The following KCTD1 variants were observed in gnomAD, a reference collection of about 807,000 sequenced individuals.
KCTD1 encodes the protein potassium channel tetramerization domain containing 1, also known as BTB/POZ domain-containing protein KCTD1.
In KCTD1, 24 loss-of-function variants were observed where a neutral mutation model predicts 66.0. The observed-to-expected ratio is 0.36, with a 90% CI of 0.26 to 0.51. The LOEUF is 0.51. KCTD1 is among the 20% of genes least tolerant of loss of function. The pLI is 0.95. For missense variants in KCTD1, 943 were observed against 1,205.2 expected, an observed-to-expected ratio of 0.78 and a Z score of 3.22; for synonymous variants, 511 against 517.2, an observed-to-expected ratio of 0.99 and a Z score of 0.16.
chr18:26,566,598 T>C (rs765325447), intron 1 of KCTD1: 44 of 152,232 alleles, frequency 2.9e-4, no homozygotes, highest in African/African-American at 9.4e-4. Context: ...ACAAATCCAT[T>C]TGGGAAGGCT....
At chr18:26,572,372 C>T (rs188873427) in intron 1 of KCTD1, among the ~76,000 whole-genome samples, 4 of 152,266 alleles carry the variant, frequency 2.6e-5, no homozygotes, top group Admixed American at 2.0e-4. Flanking sequence ...TCTTGGCTGG[C>T]ACCATTACAG....
Position 26,529,472 on chromosome 18 carries a change from T to C in KCTD1, c.1809+17256A>G, listed in dbSNP as rs201755288. Among the ~76,000 whole-genome samples the C allele has an allele frequency of 2.1e-4, 32 of 152,336 alleles. 1 individual carries two copies. In the East Asian group the frequency reaches 4.4e-3, roughly 21 times the overall value. On this transcript the variant is annotated intron_variant, in intron 1 of 4. Transcript: ENST00000580059. ...TTCCTTCCTGTATCAGGGCCTTTGC[T>C]CATGTACATTTCTGTCTACCACATC...
chr18:26,480,849 C>T (rs7226729), intron 2 of KCTD1, among the ~76,000 whole-genome samples: 150,658 of 152,278 alleles, frequency 0.99, 74,543 homozygotes, highest in Middle Eastern at 1. Context: ...GAAACCAAGC[C>T]CATTTGGTGG....
chr18:26,581,744 A>G (rs1429121397), intron 1 of KCTD1: 4 of 152,180 alleles, frequency 2.6e-5, no homozygotes, highest in African/African-American at 9.7e-5. Context: ...ATAAATAAAT[A>G]CATACATATT....
At chr18:26,546,314 G>A (rs1985216157) in intron 1 of KCTD1, among the ~76,000 whole-genome samples, 1 of 151,692 alleles carries the variant, frequency 6.6e-6, no homozygotes, top group Non-Finnish European at 1.5e-5. Flanking sequence ...TAAGGTCATG[G>A]CGAATACGTA....
intron 3 of KCTD1, among the ~76,000 whole-genome samples, 192 bp from the exon 4 acceptor site, chr18:26,460,117 T>C (rs1306756708): frequency 6.6e-6 from 1 of 152,046 alleles, no homozygotes; most frequent in Non-Finnish European, 1.5e-5. Flanking sequence ...TCAGTGAAGA[T>C]AAAAGGAGCT....
intron 2 of KCTD1, among the ~76,000 whole-genome samples, chr18:26,491,189 G>A (rs1014126203): frequency 4.6e-5 from 7 of 152,124 alleles, no homozygotes; most frequent in South Asian, 2.1e-4. Context: ...TTGCATTGGC[G>A]GGGTGTTTTG....
intron 2 of KCTD1, among the ~76,000 whole-genome samples, chr18:26,499,645 A>G (rs1223302993): frequency 6.6e-6 from 1 of 152,216 alleles, no homozygotes; most frequent in Non-Finnish European, 1.5e-5. Context: ...CAAAAAACAA[A>G]AAGTCGGCCT....
intron 1 of KCTD1, among the ~76,000 whole-genome samples, chr18:26,609,625 G>T (rs990249308): frequency 1.2e-4 from 19 of 152,162 alleles, no homozygotes; most frequent in Non-Finnish European, 2.9e-5. Context: ...TGGAAACCCT[G>T]CCTTTGAGCT....
intron 1 of KCTD1, among the ~76,000 whole-genome samples, chr18:26,557,198 G>T (rs1478772919): frequency 1.3e-5 from 2 of 152,184 alleles, no homozygotes; most frequent in African/African-American, 4.8e-5. Context: ...ACTCTGGGAA[G>T]TTAGTTGAAC....
intron 1 of KCTD1, among the ~76,000 whole-genome samples, chr18:26,514,109 A>G (rs1015929159): frequency 1.3e-5 from 2 of 152,270 alleles, no homozygotes; most frequent in African/African-American, 4.8e-5. Context: ...GTCTGAAAGC[A>G]GCTTGAGATT....
intron 1 of KCTD1, among the ~76,000 whole-genome samples, chr18:26,534,820 CCT>C (rs1265246145): frequency 6.6e-6 from 1 of 152,122 alleles, no homozygotes; most frequent in African/African-American, 2.4e-5. Flanking sequence ...AACTGATGTA[CCT>C]CTTTCTTTAT....
At chr18:26,561,432 T>C (rs1985846010) in intron 1 of KCTD1, among the ~76,000 whole-genome samples, 3 of 152,194 alleles carry the variant, frequency 2.0e-5, no homozygotes, top group Admixed American at 2.0e-4. Flanking sequence ...ATGGCCTTCA[T>C]TGCTCTGTTG....
intron 2 of KCTD1, among the ~76,000 whole-genome samples, chr18:26,490,939 G>C (rs1406186903): frequency 6.6e-6 from 1 of 152,066 alleles, no homozygotes; most frequent in African/African-American, 2.4e-5. Context: ...TTTTAGTAGA[G>C]ATGGAGTTTC....
chr18:26,471,094 G>A (rs766698631), intron 3 of KCTD1, among the ~76,000 whole-genome samples: 2 of 152,100 alleles, frequency 1.3e-5, no homozygotes, highest in African/African-American at 4.8e-5. Context: ...CTGGGAGGAC[G>A]TGCAGGTCTC....
intron 1 of KCTD1, chr18:26,581,861 A>G (rs1986361580): frequency 6.6e-6 from 1 of 152,188 alleles, no homozygotes; most frequent in Non-Finnish European, 1.5e-5. Context: ...TATTTTTTAC[A>G]TGGCCAAAAC....
chr18:26,499,048 G>A (rs1435596124), intron 2 of KCTD1, among the ~76,000 whole-genome samples: 3 of 152,150 alleles, frequency 2.0e-5, no homozygotes, highest in African/African-American at 4.8e-5. Context: ...GTTACAATGA[G>A]CATAGAAGAA....
chr18:26,546,541 T>C (rs1277436352), intron 1 of KCTD1, among the ~76,000 whole-genome samples, 187 bp downstream of exon 1: 1 of 152,218 alleles, frequency 6.6e-6, no homozygotes, highest in Non-Finnish European at 1.5e-5. Context: ...CTCACATCTT[T>C]TAAGGTTAGG....
chr18:26,568,311 C>T (rs1451055011), intron 1 of KCTD1, among the ~76,000 whole-genome samples: 1 of 152,170 alleles, frequency 6.6e-6, no homozygotes, highest in Non-Finnish European at 1.5e-5. Context: ...TCCTAGCTCA[C>T]TGCAGCCTCA....
Sources: allele counts gnomAD v4.1 joint callset (sites outside exome capture counted in the v4.1 genomes callset), GRCh38; gene constraint gnomAD v4.1.1; transcripts MANE v1.5; gene names NCBI Gene and HGNC (gene_info 2026-07-23, HGNC 2026-07-21).